APBA2: variants seen among roughly 807,000 people sequenced by gnomAD.
APBA2 encodes amyloid-beta A4 precursor protein-binding family A member 2.
In APBA2, 30 loss-of-function variants were observed where a neutral mutation model predicts 75.0. The ratio of observed to expected loss-of-function variants is 0.40; its 90% CI spans 0.30 to 0.54. APBA2 has a LOEUF of 0.54. Among genes scored for constraint, APBA2 ranks in the 20% least tolerant of loss-of-function variants. The pLI, the probability that APBA2 is intolerant of heterozygous loss-of-function variation, is 0.49. For synonymous variants in APBA2, 444 were observed against 409.6 expected (o/e 1.08, Z -1.01); for missense variants, 801 against 1,016.1 (o/e 0.79, Z 2.88).
intron 6 of APBA2, among the ~76,000 whole-genome samples, chr15:29,086,941 C>T (rs1442926499): frequency 6.6e-6 from 1 of 152,206 alleles, no homozygotes; most frequent in Admixed American, 6.5e-5. Flanking sequence ...AATTTCTTCC[C>T]TTCCACTATA....
At chr15:28,908,986 C>CTTT (rs558056022) in intron 1 of APBA2, among the ~76,000 whole-genome samples, 8 of 131,872 alleles carry the variant, frequency 6.1e-5, no homozygotes, top group African/African-American at 2.1e-4. Context: ...ATTTTACTTC[C>CTTT]TTTTTTTTTT....
chr15:28,973,827 C>G (rs1286972016), intron 2 of APBA2, among the ~76,000 whole-genome samples: 1 of 152,136 alleles, frequency 6.6e-6, no homozygotes, highest in Non-Finnish European at 1.5e-5. Context: ...AAAGTGGTAA[C>G]ATTGTTTGGT....
intron 1 of APBA2, among the ~76,000 whole-genome samples, chr15:28,906,650 C>T (rs1207183493): frequency 1.3e-5 from 2 of 152,086 alleles, no homozygotes; most frequent in African/African-American, 2.4e-5. Flanking sequence ...CTCTGGACAT[C>T]GACACTCTCT....
At chr15:29,068,033 A>G (rs1167572713) in intron 4 of APBA2, among the ~76,000 whole-genome samples, 1 of 152,180 alleles carries the variant, frequency 6.6e-6, no homozygotes, top group Non-Finnish European at 1.5e-5. Flanking sequence ...TGGTCATTCA[A>G]TTTCCTTTTG....
At chr15:28,960,754 A>T (rs8035481) in intron 2 of APBA2, among the ~76,000 whole-genome samples, 1 of 149,016 alleles carries the variant, frequency 6.7e-6, no homozygotes, top group African/African-American at 2.5e-5. Flanking sequence ...GGATGCACCC[A>T]TCATTCTTTT....
intron 6 of APBA2, among the ~76,000 whole-genome samples, chr15:29,084,722 T>G (rs572436140): frequency 6.6e-6 from 1 of 152,402 alleles, no homozygotes; most frequent in Non-Finnish European, 1.5e-5. Context: ...AATTCTTTTA[T>G]GTCTCTTTTA....
At chr15:28,954,945 T>C (rs1341753185) in intron 2 of APBA2, among the ~76,000 whole-genome samples, 1 of 152,114 alleles carries the variant, frequency 6.6e-6, no homozygotes, top group South Asian at 2.1e-4. Context: ...GCCATGTGCA[T>C]GTGGACACCG....
At chr15:28,923,855 A>G (rs2034110221) in intron 2 of APBA2, among the ~76,000 whole-genome samples, 1 of 152,036 alleles carries the variant, frequency 6.6e-6, no homozygotes, top group Non-Finnish European at 1.5e-5. Flanking sequence ...TGGGCATGAA[A>G]AGGCTTCTCT....
chr15:29,107,595 G>T (rs1261614440), intron 12 of APBA2, among the ~76,000 whole-genome samples: 2 of 152,190 alleles, frequency 1.3e-5, no homozygotes, highest in Admixed American at 1.3e-4. Context: ...GCCCGGCAGA[G>T]CGTCTGCCCG....
intron 3 of APBA2, among the ~76,000 whole-genome samples, chr15:29,010,569 A>G (rs566077105): frequency 2.0e-5 from 3 of 152,160 alleles, no homozygotes; most frequent in South Asian, 2.1e-4. Flanking sequence ...GGAGTTCTTT[A>G]TATAGTTAGT....
At chr15:28,976,306 C>G (rs754740303) in intron 2 of APBA2, among the ~76,000 whole-genome samples, 1 of 152,310 alleles carries the variant, frequency 6.6e-6, no homozygotes, top group South Asian at 2.1e-4. Flanking sequence ...TCATCCATTG[C>G]AATCTTCATC....
At chr15:28,913,028 A>G (rs2033503594) in intron 1 of APBA2, among the ~76,000 whole-genome samples, 1 of 152,218 alleles carries the variant, frequency 6.6e-6, no homozygotes, top group Admixed American at 6.5e-5. Context: ...ATTTTCACGC[A>G]TCTGCACTAT....
chr15:29,031,595 C>CA (rs1237968323), intron 3 of APBA2, among the ~76,000 whole-genome samples: 4 of 152,148 alleles, frequency 2.6e-5, no homozygotes, highest in Non-Finnish European at 5.9e-5. Flanking sequence ...TAGCCTCTGG[C>CA]AAAATGCCCT....
chr15:28,904,202 G>A (rs549098950), intron 1 of APBA2, among the ~76,000 whole-genome samples: 187 of 152,224 alleles, frequency 1.2e-3, no homozygotes, highest in African/African-American at 4.4e-3. Flanking sequence ...TCCACCCGCC[G>A]GGGGCCCTCC....
chr15:28,908,312 C>CTTTTTTTTTTTTTTTTTT (rs2033239571), intron 1 of APBA2, among the ~76,000 whole-genome samples: 5 of 142,576 alleles, frequency 3.5e-5, no homozygotes, highest in African/African-American at 1.5e-4. Flanking sequence ...GTTTTGTTTT[C>CTTTTTTTTTTTTTTTTTT]TTGTTTTTTT....
intron 6 of APBA2, among the ~76,000 whole-genome samples, chr15:29,091,239 C>A (rs1051799783): frequency 2.0e-5 from 3 of 152,204 alleles, no homozygotes; most frequent in African/African-American, 7.2e-5. Flanking sequence ...GTGGGAGGAC[C>A]CCATTGATAG....
chr15:29,076,201 T>C (rs2042843302), intron 6 of APBA2, 110 bp downstream of exon 6: 3 of 1,174,062 alleles, frequency 2.6e-6, no homozygotes, highest in Non-Finnish European at 3.8e-6. Flanking sequence ...AAAGCGTGCC[T>C]ACCTACCAGC....
intron 3 of APBA2, among the ~76,000 whole-genome samples, chr15:29,017,641 G>A (rs1397106298): frequency 6.6e-6 from 1 of 151,968 alleles, no homozygotes; most frequent in Non-Finnish European, 1.5e-5. Flanking sequence ...AAAGTGCTGG[G>A]ATTACAGGCA....
At chr15:29,064,571 G>T (rs1470429776) in intron 4 of APBA2, among the ~76,000 whole-genome samples, 2 of 152,204 alleles carry the variant, frequency 1.3e-5, no homozygotes, top group African/African-American at 2.4e-5. Context: ...GACTTTGAGA[G>T]GGGCTTTGGG....
Sources: gnomAD v4.1 joint callset for allele counts (sites outside exome capture counted in the v4.1 genomes callset) on GRCh38, gnomAD v4.1.1 for gene constraint, MANE v1.5 for transcripts, NCBI Gene and HGNC (gene_info 2026-07-23, HGNC 2026-07-21) for gene names.